SEMA6D: variants seen among roughly 807,000 people sequenced by gnomAD.
SEMA6D encodes the protein semaphorin 6D.
A neutral mutation model predicts 106.6 loss-of-function variants in SEMA6D; 35 were observed. That is an observed-to-expected ratio of 0.33 (90% CI 0.25 to 0.44). The LOEUF is 0.44. SEMA6D is among the 20% of genes least tolerant of loss of function. SEMA6D has a pLI of 1.00. For synonymous variants in SEMA6D, 499 were observed against 487.7 expected, an observed-to-expected ratio of 1.02 and a Z score of -0.31; for missense variants, 1,185 against 1,345.9, an observed-to-expected ratio of 0.88 and a Z score of 1.87.
In SEMA6D at chr15:47,516,103, T is replaced by C. The variant is rs1228009250; in HGVS notation, c.-87+45558T>C. ...TTGCACAGTCGTCCCCATTGAGCCATGTGGAATGGATGGCTTTTGTTATGG... is the reference window on the plus strand; with the variant it reads ...TTGCACAGTCGTCCCCATTGAGCCACGTGGAATGGATGGCTTTTGTTATGG... On this transcript the variant is annotated intron_variant, in intron 3 of 19. Coordinates refer to the SEMA6D transcript ENST00000558014. Among the ~76,000 whole-genome samples the C allele has an allele frequency of 2.6e-5, 4 of 152,132 alleles. No homozygotes were observed. In the East Asian group the frequency reaches 7.8e-4, roughly 29 times the overall value.
At chr15:47,721,120 GAT>G (rs1491079389) in intron 1 of SEMA6D, among the ~76,000 whole-genome samples, 1 of 152,206 alleles carries the variant, frequency 6.6e-6, no homozygotes, top group African/African-American at 2.4e-5. Flanking sequence ...AGGTGAGCCA[GAT>G]ATGTTTCTCT....
chr15:47,746,258 A>T (rs996371527), intron 1 of SEMA6D, among the ~76,000 whole-genome samples: 8 of 152,234 alleles, frequency 5.3e-5, no homozygotes, highest in South Asian at 2.1e-4. Context: ...ACCTCTGATG[A>T]GGCACTTTGC....
intron 4 of SEMA6D, among the ~76,000 whole-genome samples, chr15:47,655,566 A>G (rs114291649): frequency 0.021 from 3,156 of 152,334 alleles, 122 homozygotes; most frequent in African/African-American, 0.072. Flanking sequence ...AAATATTGCA[A>G]TTACATTCGC....
intron 1 of SEMA6D, among the ~76,000 whole-genome samples, chr15:47,409,898 G>T (rs1468922852): frequency 6.6e-6 from 1 of 151,434 alleles, no homozygotes; most frequent in Non-Finnish European, 1.5e-5. Context: ...TTTCGGGGTT[G>T]TGGGGGGGGT....
chr15:47,342,678 C>T (rs1038997330), intron 1 of SEMA6D, among the ~76,000 whole-genome samples: 2 of 151,994 alleles, frequency 1.3e-5, no homozygotes, highest in Admixed American at 6.6e-5. Context: ...TGGGTGCTTG[C>T]GTCATTGACC....
At chr15:47,391,149 A>G (rs910992294) in intron 1 of SEMA6D, among the ~76,000 whole-genome samples, 85 of 152,240 alleles carry the variant, frequency 5.6e-4, no homozygotes, top group African/African-American at 1.8e-3. Flanking sequence ...CCTCTACCAG[A>G]CAGCAGTTCA....
chr15:47,215,323 A>G (rs2030476756), intron 1 of SEMA6D, among the ~76,000 whole-genome samples: 1 of 151,878 alleles, frequency 6.6e-6, no homozygotes, highest in Non-Finnish European at 1.5e-5. Flanking sequence ...TTGAACATCA[A>G]GGATGCTTTT....
intron 4 of SEMA6D, among the ~76,000 whole-genome samples, chr15:47,612,202 T>C (rs796642039): frequency 4.6e-5 from 7 of 152,274 alleles, no homozygotes; most frequent in African/African-American, 1.7e-4. Context: ...GGCCATACCA[T>C]TGTCCCTTTG....
At chr15:47,338,534 T>A (rs1357913982) in intron 1 of SEMA6D, among the ~76,000 whole-genome samples, 1 of 151,986 alleles carries the variant, frequency 6.6e-6, no homozygotes, top group Non-Finnish European at 1.5e-5. Context: ...AAAATTAAAT[T>A]AGAAAAAAAT....
chr15:47,511,529 T>C (rs2044229584), intron 3 of SEMA6D, among the ~76,000 whole-genome samples: 1 of 151,470 alleles, frequency 6.6e-6, no homozygotes, highest in African/African-American at 2.5e-5. Context: ...TCCTGCCACA[T>C]GTGTTAGGTT....
At chr15:47,437,762 A>G (rs912122846) in intron 2 of SEMA6D, among the ~76,000 whole-genome samples, 2 of 152,144 alleles carry the variant, frequency 1.3e-5, no homozygotes, top group Non-Finnish European at 2.9e-5. Context: ...TGCTATAATT[A>G]CAAATTTTCT....
chr15:47,312,826 CT>C (rs997738160), intron 1 of SEMA6D, among the ~76,000 whole-genome samples: 19 of 152,038 alleles, frequency 1.2e-4, no homozygotes, highest in East Asian at 3.9e-4. Context: ...AATCCAAAGA[CT>C]TTTTTTATAA....
chr15:47,206,022 A>T (rs1895035058), intron 1 of SEMA6D, among the ~76,000 whole-genome samples: 1 of 152,194 alleles, frequency 6.6e-6, no homozygotes, highest in South Asian at 2.1e-4. Context: ...TTCTTCTGAT[A>T]ATTCAGTATC....
At chr15:47,251,880 C>T (rs1320662733) in intron 1 of SEMA6D, among the ~76,000 whole-genome samples, 2 of 139,526 alleles carry the variant, frequency 1.4e-5, no homozygotes, top group African/African-American at 5.3e-5. Flanking sequence ...AGTATCTGTT[C>T]ATGTATTTTA....
chr15:47,767,918 G>T (rs896582378), intron 17 of SEMA6D, among the ~76,000 whole-genome samples: 11 of 150,908 alleles, frequency 7.3e-5, no homozygotes, highest in African/African-American at 2.7e-4. Context: ...GTTTGTAAAT[G>T]CCATTGCCTT....
intron 4 of SEMA6D, among the ~76,000 whole-genome samples, chr15:47,636,691 C>T (rs1365250575): frequency 6.6e-6 from 1 of 152,198 alleles, no homozygotes; most frequent in African/African-American, 2.4e-5. Context: ...GGCAGCTATA[C>T]TGTCCTCTCA....
chr15:47,365,888 GAGGA>G (rs1567029366), intron 1 of SEMA6D, among the ~76,000 whole-genome samples: 141 of 70,088 alleles, frequency 2.0e-3, no homozygotes, highest in African/African-American at 5.6e-3. Context: ...GAGAGAGAGA[GAGGA>G]GAGAGAGAGA....
chr15:47,461,233 ACCTCATCATCTCATCACACTGTCATTATT>A (rs530243812), intron 2 of SEMA6D, among the ~76,000 whole-genome samples: 46 of 152,104 alleles, frequency 3.0e-4, no homozygotes, highest in African/African-American at 1.1e-3. Flanking sequence ...CCCCACCTGC[ACCTCATCATCTCATCACACTGTCATTATT>A]CCACATGCAG....
intron 1 of SEMA6D, among the ~76,000 whole-genome samples, chr15:47,392,029 T>A (rs2040053012): frequency 6.6e-6 from 1 of 152,110 alleles, no homozygotes; most frequent in South Asian, 2.1e-4. Flanking sequence ...TCCAGTTTTT[T>A]AAAAAACTGT....
Sources: gnomAD v4.1 joint callset for allele counts (sites outside exome capture counted in the v4.1 genomes callset) on GRCh38, gnomAD v4.1.1 for gene constraint, MANE v1.5 for transcripts, NCBI Gene and HGNC (gene_info 2026-07-23, HGNC 2026-07-21) for gene names.